Variants in ANKRD36C observed in about 807,000 individuals in gnomAD.
ANKRD36C encodes the protein ankyrin repeat domain 36C.
In ANKRD36C, 61 loss-of-function variants were observed where a neutral mutation model predicts 276.4. That is an observed-to-expected ratio of 0.22 (90% CI 0.18 to 0.27). The LOEUF is 0.27. ANKRD36C is among the 10% of genes least tolerant of loss of function. ANKRD36C has a pLI of 1.00. For missense variants in ANKRD36C, 1,447 were observed against 2,032.3 expected (o/e 0.71, Z 5.54); for synonymous variants, 483 against 680.1 (o/e 0.71, Z 4.51).
chr2:95,910,400 C>A, intron 42 of ANKRD36C: 1 of 1,549,248 alleles, frequency 6.5e-7, no homozygotes, highest in Non-Finnish European at 8.7e-7. Flanking sequence ...CCATCCTTTT[C>A]TTCTCTGGCT....
chr2:95,849,393 TA>T (rs2104226034), downstream of ANKRD36C, among the ~76,000 whole-genome samples: 1 of 152,294 alleles, frequency 6.6e-6, no homozygotes, highest in African/African-American at 2.4e-5. Context: ...TAAAACTAGG[TA>T]TTGATTTAGA....
At chr2:95,921,529 T>C in intron 34 of ANKRD36C, 78 bp downstream of exon 34, 2 of 1,534,970 alleles carry the variant, frequency 1.3e-6, no homozygotes, top group Non-Finnish European at 1.8e-6. Context: ...CCACCTGCCC[T>C]CCACTGATTT....
intron 5 of ANKRD36C, 88 bp from the exon 6 acceptor site, chr2:95,978,277 C>G (rs1264141573): frequency 9.1e-6 from 4 of 438,236 alleles, no homozygotes; most frequent in Non-Finnish European, 1.7e-5. Context: ...GTATCTTGAA[C>G]AATATCAGGA....
chr2:95,921,807 G>C (rs1419377018), exon 33 of ANKRD36C: 1 of 1,598,854 alleles, frequency 6.3e-7, no homozygotes, highest in East Asian at 2.3e-5. Context: ...TTTCTGAGAA[G>C]ACACTGAAAA....
chr2:95,889,656 T>C (rs1676287141), intron 48 of ANKRD36C, 143 bp downstream of exon 68: 19 of 1,225,494 alleles, frequency 1.6e-5, no homozygotes, highest in South Asian at 1.3e-4. Context: ...CAGGGTCACC[T>C]GAGAACTTAT....
At chr2:95,868,282 T>C (rs1461399787) in intron 59 of ANKRD36C, among the ~76,000 whole-genome samples, 1 of 149,796 alleles carries the variant, frequency 6.7e-6, no homozygotes, top group Non-Finnish European at 1.5e-5. Context: ...AGAAACACCA[T>C]CATCTTTTTT....
At chr2:95,882,628 G>C in intron 54 of ANKRD36C, 131 bp from the exon 75 acceptor site, 3 of 1,165,906 alleles carry the variant, frequency 2.6e-6, no homozygotes, top group Non-Finnish European at 3.5e-6. Context: ...TTTACAGTTT[G>C]TGTCTTTGGG....
At chr2:95,976,719 T>C (rs1204975928) in intron 6 of ANKRD36C, among the ~76,000 whole-genome samples, 50 of 152,018 alleles carry the variant, frequency 3.3e-4, no homozygotes, top group African/African-American at 1.1e-3. Flanking sequence ...ATACCAATCA[T>C]ATCAATAGCC....
intron 54 of ANKRD36C, among the ~76,000 whole-genome samples, chr2:95,883,727 GA>G (rs1676137583): frequency 1.3e-5 from 2 of 152,008 alleles, no homozygotes; most frequent in Non-Finnish European, 1.5e-5. Flanking sequence ...CTTCCTTGAG[GA>G]AAGTAATTTC....
intron 60 of ANKRD36C, among the ~76,000 whole-genome samples, chr2:95,865,768 G>C (rs1306818009): frequency 6.6e-6 from 1 of 152,074 alleles, no homozygotes; most frequent in African/African-American, 2.4e-5. Flanking sequence ...GGGTTTTAGA[G>C]CATTTCAGAT....
chr2:95,975,335 A>G (rs1327558545), intron 6 of ANKRD36C, among the ~76,000 whole-genome samples: 7 of 152,344 alleles, frequency 4.6e-5, no homozygotes, highest in South Asian at 2.1e-4. Context: ...TCCTAAGCCA[A>G]AAGAATAAAG....
exon 5 of ANKRD36C, chr2:95,980,749 T>C: frequency 6.2e-7 from 1 of 1,605,366 alleles, no homozygotes; most frequent in Non-Finnish European, 8.5e-7. Context: ...TGACTATATC[T>C]TTTTCTCCAA....
intron 61 of ANKRD36C, 88 bp from the exon 82 acceptor site, chr2:95,857,580 C>G: frequency 2.9e-6 from 4 of 1,357,850 alleles, no homozygotes; most frequent in Non-Finnish European, 4.0e-6. Flanking sequence ...CCTAAGGGGT[C>G]CAGGGAGTCG....
At position 95,916,147 on chromosome 2, in the gene ANKRD36C, A is replaced by T. The variant is rs1558638577; in HGVS notation, c.2372T>A (p.Leu791Ter). ...TATAAATGAGAGTTTCATTACCTTC[A>T]AGGCTGGTTTTTTCCGAGAAGACAC... Residue 791 changes from leucine to a stop codon, truncating the protein, a stop_gained, in exon 37 of 67, where the codon TTG becomes TAG. Transcript: ENST00000456556. LOFTEE classifies it high-confidence loss of function. 6.2e-7 allele frequency: 1 copy of T among 1,605,430 alleles called. No individual in the cohort carries two copies. The highest frequency in any genetic ancestry group is 2.2e-5 in the East Asian group (1 of 44,640).
intron 56 of ANKRD36C, 67 bp downstream of exon 76, chr2:95,882,235 A>C: frequency 1.3e-6 from 2 of 1,526,786 alleles, no homozygotes; most frequent in Non-Finnish European, 1.8e-6. Context: ...CTGCTGATCT[A>C]TTCAGGGGTG....
In ANKRD36C at chr2:95,927,272, C is replaced by G. The variant is rs774030196; in HGVS notation, c.1881G>C (p.Glu627Asp). The G allele has an allele frequency of 4.3e-6, 7 of 1,609,964 alleles. No individual in the cohort carries two copies. In the African/African-American group the frequency reaches 6.7e-5, roughly 15 times the overall value. The stretch of plus-strand genomic sequence containing the variant: ...TGGCTATATTTGAAACAGAATCTTT[C>G]TCATCACTTGTAGCCTGAATGGGAT... Residue 627 changes from glutamate (E) to aspartate (D), a missense_variant, in exon 28 of 67, where the codon GAG (glutamate) becomes GAC (aspartate). Transcript: ENST00000456556.
chr2:95,912,152 T>C, intron 42 of ANKRD36C, 92 bp downstream of exon 44: 1 of 1,490,462 alleles, frequency 6.7e-7, no homozygotes, highest in Non-Finnish European at 9.1e-7. Context: ...AATCAGAATG[T>C]GCAGCTTCGA....
rs774652209 is a variant in ANKRD36C at position 95,914,136 on chromosome 2, T to C, written c.2523A>G (p.Gly841=). The change falls in exon 40 of 67, where the codon GGA becomes GGG. Residue 841 remains glycine (G), a synonymous_variant. Coordinates refer to ENST00000456556, the Ensembl canonical transcript of ANKRD36C. ...TCCTAGTTTTTTCTCCATCCTCTTT[T>C]CCTCTGGCTATATTCAAAACAGAAT... The C allele has an allele frequency of 1.9e-6, 3 of 1,580,864 alleles. No homozygotes were observed. The South Asian group carries it at 3.4e-5, about 18-fold the overall frequency.
exon 37 of ANKRD36C, chr2:95,916,149 G>A (rs765873693): frequency 1.7e-5 from 27 of 1,605,248 alleles, no homozygotes; most frequent in Admixed American, 6.7e-5. Context: ...TTACCTTCAA[G>A]GCTGGTTTTT....
Sources: allele counts gnomAD v4.1 joint callset (sites outside exome capture counted in the v4.1 genomes callset), GRCh38; gene constraint gnomAD v4.1.1; transcripts MANE v1.5; gene names NCBI Gene and HGNC (gene_info 2026-07-23, HGNC 2026-07-21).